The following CNNM2 variants were observed in gnomAD, a reference collection of about 807,000 sequenced individuals.
CNNM2 encodes the protein metal transporter CNNM2.
In CNNM2, 12 loss-of-function variants were observed where a neutral mutation model predicts 66.9. The observed-to-expected ratio is 0.18, with a 90% confidence interval of 0.11 to 0.29. The LOEUF is 0.29. CNNM2 is among the 10% of genes least tolerant of loss of function. The pLI is 1.00. For missense variants in CNNM2, 705 were observed against 1,167.7 expected, an observed-to-expected ratio of 0.60 and a Z score of 5.77; for synonymous variants, 557 against 501.8, an observed-to-expected ratio of 1.11 and a Z score of -1.47.
At chr10:102,965,676 C>G (rs2063452471) in intron 1 of CNNM2, among the ~76,000 whole-genome samples, 1 of 152,204 alleles carries the variant, frequency 6.6e-6, no homozygotes, top group Non-Finnish European at 1.5e-5. Context: ...TTTGTCTACT[C>G]TATCTCTGTA....
chr10:103,000,992 T>C (rs1333013919), intron 1 of CNNM2, among the ~76,000 whole-genome samples: 1 of 152,210 alleles, frequency 6.6e-6, no homozygotes, highest in African/African-American at 2.4e-5. Flanking sequence ...AACAATGGAA[T>C]ATGTTCTGTT....
At position 102,952,622 on chromosome 10, in the gene CNNM2, C is replaced by CAA. The variant is rs35818455; in HGVS notation, c.1621+32537_1621+32538dup. The stretch of plus-strand genomic sequence containing the variant: ...TGACATAGTGAGACCCTGTCTCTAC[C>CAA]AAAAAAAAAAAAAAAAAGTTAAATG... On this transcript the variant is annotated intron_variant, in intron 1 of 7. Transcript: ENST00000369878. Among the ~76,000 whole-genome samples, 12,602 of 126,948 alleles carry CAA rather than the reference C, an allele frequency of 0.099. 739 individuals are homozygous for CAA. Among genetic ancestry groups the CAA allele is most frequent in the East Asian group, 0.28 (1,287 of 4,544 alleles). The allele number at this position is 126,948 out of a possible 152,430, so 83.3% of individuals were successfully genotyped here.
chr10:102,997,130 C>T (rs1306604842), intron 1 of CNNM2, among the ~76,000 whole-genome samples: 3 of 152,146 alleles, frequency 2.0e-5, no homozygotes, highest in Non-Finnish European at 4.4e-5. Context: ...CTTTCTGAGT[C>T]CTTTCATTTA....
chr10:102,960,570 G>A (rs758706572), intron 1 of CNNM2, among the ~76,000 whole-genome samples: 38 of 151,854 alleles, frequency 2.5e-4, no homozygotes, highest in Non-Finnish European at 1.9e-4. Context: ...AGATTACACC[G>A]GGTTGTAATT....
chr10:102,979,095 C>T (rs747355463), intron 1 of CNNM2, among the ~76,000 whole-genome samples: 10 of 152,068 alleles, frequency 6.6e-5, no homozygotes, highest in African/African-American at 1.4e-4. Flanking sequence ...CATTCTAGTA[C>T]GAGTCTTTTG....
chr10:102,921,436 T>A (rs569663979), intron 1 of CNNM2, among the ~76,000 whole-genome samples: 3 of 152,206 alleles, frequency 2.0e-5, no homozygotes, highest in African/African-American at 7.2e-5. Context: ...GGTTGAATGA[T>A]GTCCTCTCTA....
At chr10:102,932,424 G>T (rs931622020) in intron 1 of CNNM2, among the ~76,000 whole-genome samples, 2 of 152,042 alleles carry the variant, frequency 1.3e-5, no homozygotes, top group African/African-American at 4.8e-5. Context: ...AGGTCACAAA[G>T]ATTTATGCCT....
chr10:103,003,746 C>G (rs1007272712), intron 1 of CNNM2, among the ~76,000 whole-genome samples: 2 of 151,984 alleles, frequency 1.3e-5, no homozygotes, highest in Non-Finnish European at 2.9e-5. Flanking sequence ...GCACTCCAGC[C>G]TGGGCACCAG....
intron 1 of CNNM2, among the ~76,000 whole-genome samples, chr10:102,979,701 TAAAAC>T (rs2063690296): frequency 6.6e-6 from 1 of 152,110 alleles, no homozygotes; most frequent in Admixed American, 6.6e-5. Flanking sequence ...AATGAATACA[TAAAAC>T]AAATAGTTGT....
Position 103,077,341 on chromosome 10 carries a change from A to T in CNNM2, c.*161A>T. On this transcript the variant is annotated 3_prime_UTR_variant, in exon 8 of 8. Coordinates refer to ENST00000369878, the MANE Select transcript of CNNM2 (RefSeq NM_017649.5). Reference sequence around the variant, plus strand: ...CCCTTCCCAGGAGCCGCGGAGGAGGACAGTGAGGGAGGAATGGAAACGAGA... The same window carrying T: ...CCCTTCCCAGGAGCCGCGGAGGAGGTCAGTGAGGGAGGAATGGAAACGAGA... 1.6e-6 allele frequency: 1 copy of T among 623,758 alleles called. No homozygotes were observed. Among genetic ancestry groups the T allele is most frequent in the Non-Finnish European group, 2.7e-6 (1 of 365,186 alleles). 38.6% of individuals were successfully genotyped at this position (623,758 alleles called of 1,614,324 possible).
chr10:102,975,441 C>T (rs2063611413), intron 1 of CNNM2, among the ~76,000 whole-genome samples: 1 of 141,896 alleles, frequency 7.0e-6, no homozygotes, highest in Admixed American at 7.4e-5. Context: ...AGCAAGTTTA[C>T]CTGAGTGGAT....
intron 1 of CNNM2, among the ~76,000 whole-genome samples, chr10:102,969,521 A>G (rs995833794): frequency 6.7e-6 from 1 of 149,460 alleles, no homozygotes; most frequent in South Asian, 2.1e-4. Context: ...CAGTAGTGCT[A>G]TCTTAGTTGT....
intron 1 of CNNM2, among the ~76,000 whole-genome samples, chr10:103,043,004 C>A (rs1590448666): frequency 6.6e-6 from 1 of 152,240 alleles, no homozygotes; most frequent in Non-Finnish European, 1.5e-5. Context: ...AATTTAAAAA[C>A]AAAAGCATAT....
rs1175009089 is a variant in CNNM2 at position 102,920,106 on chromosome 10, GA to G, written c.1621+8del. 2 of 1,614,148 alleles carry G rather than the reference GA, an allele frequency of 1.2e-6. No individual in the cohort carries two copies. Among genetic ancestry groups the G allele is most frequent in the East Asian group, 4.5e-5 (2 of 44,886 alleles). ...TGCTGGAAGAATTTAAGAAAGGTGG[GA>G]AATTTTGGTCTCTTTCATTGGCTTG... On this transcript the variant is annotated splice_donor_region_variant and intron_variant, in intron 1 of 7. Transcript: ENST00000369878.
chr10:102,977,710 A>G (rs879285950), intron 1 of CNNM2, among the ~76,000 whole-genome samples: 10 of 152,106 alleles, frequency 6.6e-5, no homozygotes, highest in African/African-American at 7.2e-5. Flanking sequence ...AGTCCCAGCT[A>G]CTGGGGTGGC....
intron 1 of CNNM2, among the ~76,000 whole-genome samples, chr10:102,956,947 C>T (rs943987440): frequency 4.6e-5 from 7 of 152,216 alleles, no homozygotes; most frequent in African/African-American, 1.4e-4. Context: ...CAAACCTGCA[C>T]GTTGTGCACG....
chr10:102,950,812 CT>C (rs1846797857), intron 1 of CNNM2, among the ~76,000 whole-genome samples: 1 of 151,980 alleles, frequency 6.6e-6, no homozygotes, highest in African/African-American at 2.4e-5. Flanking sequence ...TAAGGGGATG[CT>C]TTATAATAAA....
chr10:102,966,622 C>T (rs1222641756), intron 1 of CNNM2, among the ~76,000 whole-genome samples: 1 of 152,158 alleles, frequency 6.6e-6, no homozygotes, highest in Non-Finnish European at 1.5e-5. Context: ...GCGTGGACTC[C>T]ATCCCAACCT....
At chr10:103,026,420 CA>C (rs1385663558) in intron 1 of CNNM2, among the ~76,000 whole-genome samples, 4 of 151,684 alleles carry the variant, frequency 2.6e-5, no homozygotes, top group African/African-American at 9.7e-5. Context: ...GGAAACACGG[CA>C]AAACTGTGTC....
Sources: gnomAD v4.1 joint callset for allele counts (sites outside exome capture counted in the v4.1 genomes callset) on GRCh38, gnomAD v4.1.1 for gene constraint, MANE v1.5 for transcripts, NCBI Gene and HGNC (gene_info 2026-07-23, HGNC 2026-07-21) for gene names.